PAK2: variants seen among roughly 807,000 people sequenced by gnomAD.
The protein encoded by PAK2 is p21 (RAC1) activated kinase 2, also known as serine/threonine-protein kinase PAK 2.
A neutral mutation model predicts 65.9 loss-of-function variants in PAK2; 21 were observed. That is an observed-to-expected ratio of 0.32 (90% CI 0.23 to 0.46). The LOEUF (loss-of-function observed/expected upper bound fraction) is 0.46. Among genes scored for constraint, PAK2 ranks in the 20% least tolerant of loss-of-function variants. The probability of loss-of-function intolerance (pLI) is 1.00; values close to 1 mark genes in which losing one functional copy is unlikely to be tolerated. For missense variants in PAK2, 324 were observed against 642.6 expected (o/e 0.50, Z 5.36); for synonymous variants, 204 against 219.7 (o/e 0.93, Z 0.63).
chr3:196,765,030 G>A (rs1362969906), intron 1 of PAK2, among the ~76,000 whole-genome samples: 3 of 150,426 alleles, frequency 2.0e-5, no homozygotes, highest in African/African-American at 4.9e-5. Context: ...ATTTTTAGTA[G>A]AGACGAGGTT....
intron 1 of PAK2, chr3:196,747,145 A>ACTTTTCT (rs1369350587): frequency 9.0e-5 from 13 of 145,110 alleles, no homozygotes; most frequent in Admixed American, 2.8e-4. Context: ...CCTGATTTCT[A>ACTTTTCT]CTTTTCTCTT....
chr3:196,826,927 A>C (rs988388217), intron 13 of PAK2, among the ~76,000 whole-genome samples: 2 of 152,200 alleles, frequency 1.3e-5, no homozygotes, highest in Non-Finnish European at 2.9e-5. Flanking sequence ...TCTCAACAAA[A>C]AAAAACAAAA....
chr3:196,814,472 G>C lies in PAK2; in HGVS notation c.957G>C (p.Leu319Phe), dbSNP rs1338212721. ...FLDSYLVGDE[L>F]FVVMEYLAGG... is the part of the protein sequence containing the mutation. ...TTAGTTACCTGGTAGGAGATGAATT[G>C]TTTGTGGTCATGGAATACCTTGCTG... The change falls in exon 11 of 15, where the codon TTG becomes TTC. Residue 319 changes from leucine to phenylalanine, a missense_variant. Physicochemically the swap from Leu to Phe is conservative, Grantham distance 22 (BLOSUM62 0). Coordinates refer to ENST00000327134, the MANE Select transcript of PAK2 (RefSeq NM_002577.4). The C allele has an allele frequency of 6.9e-7, 1 of 1,455,378 alleles. No individual in the cohort carries two copies. Among genetic ancestry groups the C allele is most frequent in the African/African-American group, 1.4e-5 (1 of 71,252 alleles). 90.2% of individuals were successfully genotyped at this position (1,455,378 alleles called of 1,614,324 possible).
At chr3:196,771,967 T>A (rs1714375341) in intron 1 of PAK2, among the ~76,000 whole-genome samples, 1 of 152,236 alleles carries the variant, frequency 6.6e-6, no homozygotes, top group African/African-American at 2.4e-5. Flanking sequence ...AATGTTGAGT[T>A]TTAGCTTTCA....
Position 196,827,211 on chromosome 3 carries a change from G to A in PAK2, c.1366G>A (p.Ala456Thr). The A allele has an allele frequency of 6.2e-7, 1 of 1,605,994 alleles. No individual in the cohort carries two copies. Among genetic ancestry groups the A allele is most frequent in the Non-Finnish European group, 8.5e-7 (1 of 1,174,234 alleles). ...ENPLRALYLI[A>T]TNGTPELQNP... ...CTATTTTTAGGCCTTGTACCTAATA[G>A]CAACTAATGGAACCCCAGAACTTCA... Residue 456 changes from alanine (A) to threonine (T), a missense_variant, in exon 14 of 15, where the codon GCA (alanine) becomes ACA (threonine). This residue lies in a region of PAK2 where 36 missense variants were observed against 161.5 expected (regional missense o/e 0.22). Transcript: ENST00000327134.
At chr3:196,824,117 CTG>C (rs756216356) in intron 13 of PAK2, among the ~76,000 whole-genome samples, 13 of 152,168 alleles carry the variant, frequency 8.5e-5, no homozygotes, top group Non-Finnish European at 1.9e-4. Flanking sequence ...CAGGAAAGCA[CTG>C]TAGTTCCACG....
intron 7 of PAK2, among the ~76,000 whole-genome samples, chr3:196,808,605 C>T (rs1285023741): frequency 6.9e-6 from 1 of 145,188 alleles, no homozygotes; most frequent in East Asian, 2.1e-4. Flanking sequence ...TGGCTCATGC[C>T]TATAATCCCA....
chr3:196,742,711 A>G (rs113947402), intron 1 of PAK2, among the ~76,000 whole-genome samples: 5,060 of 152,152 alleles, frequency 0.033, 97 homozygotes, highest in Middle Eastern at 0.072. Flanking sequence ...TCAGGAGATC[A>G]AGACCATCCT....
intron 1 of PAK2, among the ~76,000 whole-genome samples, chr3:196,780,665 C>T (rs1254379125): frequency 6.6e-6 from 1 of 152,026 alleles, no homozygotes; most frequent in Non-Finnish European, 1.5e-5. Flanking sequence ...TATTCTTTCT[C>T]TTTTGTAGAA....
chr3:196,826,285 C>G (rs1439681008), intron 13 of PAK2, among the ~76,000 whole-genome samples: 1 of 152,020 alleles, frequency 6.6e-6, no homozygotes, highest in Non-Finnish European at 1.5e-5. Flanking sequence ...CATTGTCCTG[C>G]CTCAGCCTCC....
intron 2 of PAK2, among the ~76,000 whole-genome samples, chr3:196,788,296 T>A (rs1186497399): frequency 6.6e-6 from 1 of 152,226 alleles, no homozygotes; most frequent in Non-Finnish European, 1.5e-5. Flanking sequence ...CCATCTCTAA[T>A]GTAAGGCCTG....
chr3:196,794,217 G>C (rs1715170608), intron 2 of PAK2, among the ~76,000 whole-genome samples: 1 of 152,140 alleles, frequency 6.6e-6, no homozygotes, highest in South Asian at 2.1e-4. Context: ...ACAGTTAAAA[G>C]ATCTGACTAA....
intron 7 of PAK2, among the ~76,000 whole-genome samples, 200 bp from the exon 8 acceptor site, chr3:196,810,390 G>C (rs1169379766): frequency 6.6e-6 from 1 of 151,838 alleles, no homozygotes; most frequent in Non-Finnish European, 1.5e-5. Context: ...AATGTGTCTT[G>C]TTTCTGATAC....
chr3:196,740,820 T>C (rs1193241993), intron 1 of PAK2, among the ~76,000 whole-genome samples: 3 of 152,174 alleles, frequency 2.0e-5, no homozygotes, highest in African/African-American at 7.2e-5. Flanking sequence ...GAAGTTAAGA[T>C]TGGTTTTTCA....
At chr3:196,798,802 C>G (rs1172283163) in intron 2 of PAK2, among the ~76,000 whole-genome samples, 2 of 152,134 alleles carry the variant, frequency 1.3e-5, no homozygotes, top group Non-Finnish European at 2.9e-5. Context: ...ATGGGTTTGT[C>G]TCAATACATG....
Position 196,816,359 on chromosome 3 carries a change from T to C in PAK2, c.1054-1698T>C, listed in dbSNP as rs530262704. ...AAGGGAGGAAATAAGAACTCTTGAA[T>C]AGAATATTAATAGAATATGATAGTC... is the stretch of plus-strand genomic sequence containing the variant. On this transcript the variant is annotated intron_variant, in intron 11 of 14. Coordinates refer to ENST00000327134, the MANE Select transcript of PAK2 (RefSeq NM_002577.4). Among the ~76,000 whole-genome samples, 4 of 152,318 alleles carry C rather than the reference T, an allele frequency of 2.6e-5. No individual in the cohort carries two copies. In the South Asian group the frequency reaches 8.3e-4, roughly 32 times the overall value.
chr3:196,742,307 C>T (rs1287119038), intron 1 of PAK2, among the ~76,000 whole-genome samples: 3 of 152,040 alleles, frequency 2.0e-5, no homozygotes. Flanking sequence ...AGGCTGGTCT[C>T]GAACTCCCGA....
At chr3:196,772,173 T>C (rs576532733) in intron 1 of PAK2, among the ~76,000 whole-genome samples, 24 of 152,334 alleles carry the variant, frequency 1.6e-4, no homozygotes, top group African/African-American at 5.8e-4. Flanking sequence ...GAGGGATTTA[T>C]TCCTGATTGG....
chr3:196,759,009 A>AT (rs1435453309), intron 1 of PAK2, among the ~76,000 whole-genome samples: 1 of 152,062 alleles, frequency 6.6e-6, no homozygotes, highest in Admixed American at 6.6e-5. Flanking sequence ...TTATTCTCGT[A>AT]TTTTTCTGTC....
Sources: gnomAD v4.1 joint callset for allele counts (sites outside exome capture counted in the v4.1 genomes callset) on GRCh38, gnomAD v4.1.1 for gene constraint, gnomAD v4.1.1 regional missense constraint, MANE v1.5 for transcripts, NCBI Gene and HGNC (gene_info 2026-07-23, HGNC 2026-07-21) for gene names.